Variants in ZMAT4 observed in about 807,000 individuals in gnomAD.
The protein encoded by ZMAT4 is zinc finger matrin-type protein 4.
ZMAT4 carries 17 observed loss-of-function variants against 28.7 expected under a neutral mutation model. That is an observed-to-expected ratio of 0.59 (90% CI 0.41 to 0.89). ZMAT4 has a LOEUF of 0.89. Among genes scored for constraint, ZMAT4 ranks in the 40% least tolerant of loss-of-function variants. ZMAT4 has a pLI of 0.00. For missense variants in ZMAT4, 240 were observed against 283.8 expected, an observed-to-expected ratio of 0.85 and a Z score of 1.11; for synonymous variants, 117 against 109.2, an observed-to-expected ratio of 1.07 and a Z score of -0.44.
At chr8:40,606,201 A>T (rs972914273) in intron 5 of ZMAT4, among the ~76,000 whole-genome samples, 1 of 152,102 alleles carries the variant, frequency 6.6e-6, no homozygotes, top group African/African-American at 2.4e-5. Flanking sequence ...GAGAGGTACT[A>T]TTCTCTTCAT....
At chr8:40,684,133 G>A (rs548702289) in intron 4 of ZMAT4, among the ~76,000 whole-genome samples, 1 of 152,054 alleles carries the variant, frequency 6.6e-6, no homozygotes, top group African/African-American at 2.4e-5. Flanking sequence ...TTTTGACCTA[G>A]CTATTTAATA....
At chr8:40,820,896 T>A in intron 2 of ZMAT4, among the ~76,000 whole-genome samples, 1 of 75,414 alleles carries the variant, frequency 1.3e-5, no homozygotes, top group Non-Finnish European at 2.8e-5. Context: ...TGTGTTTATG[T>A]GTGTGTTTGT....
At chr8:40,810,594 G>C (rs1393218653) in intron 2 of ZMAT4, among the ~76,000 whole-genome samples, 1 of 152,108 alleles carries the variant, frequency 6.6e-6, no homozygotes, top group Non-Finnish European at 1.5e-5. Context: ...TTAAAAATAT[G>C]AATATGAAAA....
At chr8:40,849,719 G>C (rs141503629) in intron 1 of ZMAT4, among the ~76,000 whole-genome samples, 6 of 152,292 alleles carry the variant, frequency 3.9e-5, no homozygotes, top group African/African-American at 1.4e-4. Flanking sequence ...TTTATTATGT[G>C]CGTGTGTGTG....
At chr8:40,546,379 C>T (rs2118402069) in intron 6 of ZMAT4, among the ~76,000 whole-genome samples, 1 of 151,988 alleles carries the variant, frequency 6.6e-6, no homozygotes. Flanking sequence ...TACCAGAGCT[C>T]AACTCTGAAT....
At chr8:40,809,860 A>G (rs553663910) in intron 2 of ZMAT4, among the ~76,000 whole-genome samples, 8 of 152,268 alleles carry the variant, frequency 5.3e-5, no homozygotes, top group African/African-American at 1.9e-4. Context: ...CCTGGCCAAC[A>G]TGGTGAAACC....
At chr8:40,610,312 C>G (rs1281015886) in intron 5 of ZMAT4, among the ~76,000 whole-genome samples, 1 of 152,176 alleles carries the variant, frequency 6.6e-6, no homozygotes, top group African/African-American at 2.4e-5. Context: ...TGGGTGTATA[C>G]TTACCTTTTA....
At chr8:40,609,005 C>T (rs1023954605) in intron 5 of ZMAT4, among the ~76,000 whole-genome samples, 5 of 152,140 alleles carry the variant, frequency 3.3e-5, no homozygotes, top group African/African-American at 1.2e-4. Flanking sequence ...TGCGGTAGTT[C>T]TTGGAGTGAA....
At chr8:40,585,290 A>G (rs1405686831) in intron 5 of ZMAT4, among the ~76,000 whole-genome samples, 1 of 152,184 alleles carries the variant, frequency 6.6e-6, no homozygotes, top group African/African-American at 2.4e-5. Context: ...TTTCAGGTAC[A>G]AACTGCCAGT....
intron 5 of ZMAT4, among the ~76,000 whole-genome samples, chr8:40,602,349 A>G (rs1035566411): frequency 1.3e-5 from 2 of 152,288 alleles, no homozygotes; most frequent in South Asian, 2.1e-4. Context: ...TCTTTTTCGT[A>G]TAATAACTTC....
intron 5 of ZMAT4, among the ~76,000 whole-genome samples, chr8:40,609,413 C>A (rs1250853933): frequency 6.6e-6 from 1 of 152,126 alleles, no homozygotes; most frequent in African/African-American, 2.4e-5. Context: ...CAAAAGCAGG[C>A]TCCCTCTACC....
chr8:40,880,715 G>A (rs774049202), intron 1 of ZMAT4, among the ~76,000 whole-genome samples: 7 of 152,046 alleles, frequency 4.6e-5, no homozygotes, highest in East Asian at 1.9e-4. Flanking sequence ...GGGACTCCAC[G>A]CTTGGCTCCA....
chr8:40,678,590 A>G (rs1809009554), intron 4 of ZMAT4, among the ~76,000 whole-genome samples: 1 of 152,204 alleles, frequency 6.6e-6, no homozygotes, highest in African/African-American at 2.4e-5. Flanking sequence ...CTTATAAAGC[A>G]TTTACTCACT....
intron 4 of ZMAT4, chr8:40,690,831 AAAG>A (rs1465144472): frequency 3.4e-5 from 31 of 910,008 alleles, no homozygotes; most frequent in Non-Finnish European, 3.8e-5. Context: ...ATAAGGAAAA[AAAG>A]AAGAGAACCA....
intron 3 of ZMAT4, among the ~76,000 whole-genome samples, chr8:40,714,667 T>G (rs1413177995): frequency 6.6e-6 from 1 of 152,196 alleles, no homozygotes; most frequent in African/African-American, 2.4e-5. Context: ...CTGACCATAG[T>G]TGACAAGTAA....
At chr8:40,648,765 AT>A (rs1273674506) in intron 5 of ZMAT4, among the ~76,000 whole-genome samples, 4 of 90,546 alleles carry the variant, frequency 4.4e-5, no homozygotes, top group Admixed American at 1.1e-4. Flanking sequence ...GTGGGGGCCA[AT>A]ATTCAACATT....
intron 5 of ZMAT4, among the ~76,000 whole-genome samples, chr8:40,634,416 G>A (rs1806716953): frequency 6.6e-6 from 1 of 152,128 alleles, no homozygotes; most frequent in Non-Finnish European, 1.5e-5. Flanking sequence ...CCATAAAAGA[G>A]CTAGAGAGAA....
intron 2 of ZMAT4, among the ~76,000 whole-genome samples, chr8:40,821,653 G>T (rs913551263): frequency 1.3e-5 from 2 of 152,000 alleles, no homozygotes; most frequent in Admixed American, 6.6e-5. Context: ...TCCTACTTTG[G>T]AAGATTAACA....
At chr8:40,734,347 T>C (rs1472178978) in intron 3 of ZMAT4, among the ~76,000 whole-genome samples, 1 of 152,192 alleles carries the variant, frequency 6.6e-6, no homozygotes, top group Non-Finnish European at 1.5e-5. Context: ...GCCCCAGTTT[T>C]AAGATGCAGT....
Sources: gnomAD v4.1 joint callset for allele counts (sites outside exome capture counted in the v4.1 genomes callset) on GRCh38, gnomAD v4.1.1 for gene constraint, MANE v1.5 for transcripts, NCBI Gene and HGNC (gene_info 2026-07-23, HGNC 2026-07-21) for gene names.